The following PDE1A variants were observed in gnomAD, a reference collection of about 807,000 sequenced individuals.
PDE1A encodes the protein dual specificity calcium/calmodulin-dependent 3',5'-cyclic nucleotide phosphodiesterase 1A.
Under a neutral mutation model 61.7 loss-of-function variants are expected in PDE1A, and 35 were observed. The ratio of observed to expected loss-of-function variants is 0.57; its 90% CI spans 0.43 to 0.75. The LOEUF is 0.75. PDE1A is among the 30% of genes least tolerant of loss of function. PDE1A has a pLI of 0.00. For missense variants in PDE1A, 597 were observed against 630.6 expected (o/e 0.95, Z 0.57); for synonymous variants, 232 against 213.2 (o/e 1.09, Z -0.77).
the PDE1A span, among the ~76,000 whole-genome samples, chr2:182,693,980 T>C: frequency 6.6e-6 from 1 of 152,188 alleles, no homozygotes; most frequent in Admixed American, 6.5e-5. Flanking sequence ...CAAAGCTGTT[T>C]AATTCTGATG....
chr2:182,376,692 T>G (rs1007675725), intron 1 of PDE1A, among the ~76,000 whole-genome samples: 1 of 152,188 alleles, frequency 6.6e-6, no homozygotes, highest in Non-Finnish European at 1.5e-5. Flanking sequence ...TGGTACCAAT[T>G]TACTGTATTA....
chr2:182,179,481 A>T (rs113105636), intron 13 of PDE1A, among the ~76,000 whole-genome samples: 2 of 152,194 alleles, frequency 1.3e-5, no homozygotes, highest in Admixed American at 1.3e-4. Context: ...ATAACAGCTT[A>T]AAAAAAGAAT....
intron 2 of PDE1A, among the ~76,000 whole-genome samples, chr2:182,255,736 C>A (rs886669025): frequency 6.7e-6 from 1 of 150,312 alleles, no homozygotes; most frequent in African/African-American, 2.5e-5. Context: ...CAGCTCACTG[C>A]AACCTCTGCC....
chr2:182,290,896 C>A (rs1038236932), intron 1 of PDE1A, among the ~76,000 whole-genome samples: 3 of 151,976 alleles, frequency 2.0e-5, no homozygotes, highest in African/African-American at 7.2e-5. Flanking sequence ...CCCAAATCTG[C>A]TCTTACCCAC....
chr2:182,504,349 A>G (rs1291573471), intron 2 of PDE1A, among the ~76,000 whole-genome samples: 1 of 152,248 alleles, frequency 6.6e-6, no homozygotes, highest in Non-Finnish European at 1.5e-5. Context: ...CAACCAAATT[A>G]TCTAATTACA....
the PDE1A span, among the ~76,000 whole-genome samples, chr2:182,634,212 A>T: frequency 6.6e-6 from 1 of 152,186 alleles, no homozygotes; most frequent in Non-Finnish European, 1.5e-5. Context: ...TCCTTTAAAC[A>T]TTCCATCTGA....
At chr2:182,698,121 T>C in the PDE1A span, among the ~76,000 whole-genome samples, 3 of 152,176 alleles carry the variant, frequency 2.0e-5, no homozygotes, top group Non-Finnish European at 2.9e-5. Flanking sequence ...GCTGCTAAGA[T>C]AACAAATATA....
intron 6 of PDE1A, among the ~76,000 whole-genome samples, chr2:182,228,617 G>A (rs1021762769): frequency 6.6e-6 from 1 of 152,106 alleles, no homozygotes; most frequent in African/African-American, 2.4e-5. Flanking sequence ...GAGAAAACTT[G>A]TTAAAATAAC....
At chr2:182,387,791 A>C (rs964665808) in intron 1 of PDE1A, among the ~76,000 whole-genome samples, 3 of 152,016 alleles carry the variant, frequency 2.0e-5, no homozygotes, top group African/African-American at 7.2e-5. Context: ...GAAAGAAAGA[A>C]TCACTCTACA....
chr2:182,406,373 T>TAAA (rs34640250), intron 1 of PDE1A, among the ~76,000 whole-genome samples: 2 of 149,066 alleles, frequency 1.3e-5, no homozygotes, highest in Non-Finnish European at 1.5e-5. Flanking sequence ...TGGCTCACAG[T>TAAA]AAAAAAAAAA....
chr2:182,573,972 TAC>T, the PDE1A span, among the ~76,000 whole-genome samples: 26,374 of 142,684 alleles, frequency 0.18, 4,347 homozygotes, highest in African/African-American at 0.45. Context: ...TATTTTTTTA[TAC>T]ACACACACAC....
chr2:182,344,498 T>C (rs1257157236), intron 1 of PDE1A, among the ~76,000 whole-genome samples: 1 of 152,138 alleles, frequency 6.6e-6, no homozygotes. Flanking sequence ...GAGCAGAGCA[T>C]TCGACTCATC....
the PDE1A span, among the ~76,000 whole-genome samples, chr2:182,573,772 T>C: frequency 6.7e-6 from 1 of 150,160 alleles, no homozygotes. Flanking sequence ...TCAGCAAAAA[T>C]ATACTTTCAT....
chr2:182,352,930 C>T (rs544045551), intron 1 of PDE1A, among the ~76,000 whole-genome samples: 1 of 152,234 alleles, frequency 6.6e-6, no homozygotes, highest in South Asian at 2.1e-4. Flanking sequence ...CAGTGTATCT[C>T]AAATATGTGA....
intron 6 of PDE1A, among the ~76,000 whole-genome samples, chr2:182,226,332 G>C (rs934849605): frequency 2.0e-5 from 3 of 149,548 alleles, no homozygotes; most frequent in African/African-American, 7.6e-5. Context: ...TACATTTCCT[G>C]TTTTTACTTT....
At chr2:182,453,365 T>C (rs888763109) in intron 2 of PDE1A, among the ~76,000 whole-genome samples, 1 of 151,900 alleles carries the variant, frequency 6.6e-6, no homozygotes, top group Admixed American at 6.6e-5. Context: ...GACAACTCCA[T>C]AGCCAAATTG....
intron 1 of PDE1A, among the ~76,000 whole-genome samples, chr2:182,307,868 A>T (rs1029653080): frequency 6.6e-6 from 1 of 152,142 alleles, no homozygotes; most frequent in Non-Finnish European, 1.5e-5. Context: ...CAAAAACAAA[A>T]ACTAAAATTA....
intron 1 of PDE1A, among the ~76,000 whole-genome samples, chr2:182,413,107 A>T (rs1242483307): frequency 6.6e-6 from 1 of 152,168 alleles, no homozygotes; most frequent in Non-Finnish European, 1.5e-5. Flanking sequence ...TAGGAGCAAT[A>T]AGTCACCCAG....
intron 8 of PDE1A, among the ~76,000 whole-genome samples, chr2:182,204,904 C>T (rs924501859): frequency 6.6e-6 from 1 of 152,034 alleles, no homozygotes; most frequent in African/African-American, 2.4e-5. Flanking sequence ...AAAAATGAGC[C>T]CATATCTCTA....
Sources: gnomAD v4.1 joint callset for allele counts (sites outside exome capture counted in the v4.1 genomes callset) on GRCh38, gnomAD v4.1.1 for gene constraint, MANE v1.5 for transcripts, NCBI Gene and HGNC (gene_info 2026-07-23, HGNC 2026-07-21) for gene names.